ERBB4: variants seen among roughly 807,000 people sequenced by gnomAD.
ERBB4 encodes the protein receptor tyrosine-protein kinase erbB-4.
ERBB4 carries 42 observed loss-of-function variants against 158.0 expected under a neutral mutation model. The observed-to-expected ratio is 0.27, with a 90% CI of 0.21 to 0.34. ERBB4 has a LOEUF of 0.34. Ranked by LOEUF, ERBB4 falls within the 10% of genes least tolerant of loss-of-function variation. The probability of loss-of-function intolerance (pLI) is 1.00; values close to 1 mark genes in which losing one functional copy is unlikely to be tolerated. For synonymous variants in ERBB4, 583 were observed against 558.7 expected (o/e 1.04, Z -0.61); for missense variants, 1,333 against 1,624.1 (o/e 0.82, Z 3.08).
chr2:211,478,952 C>T (rs369176668), intron 20 of ERBB4, among the ~76,000 whole-genome samples: 4 of 152,136 alleles, frequency 2.6e-5, no homozygotes, highest in African/African-American at 4.8e-5. Flanking sequence ...TCCTCGGTTT[C>T]GTCTCTCTAA....
At chr2:212,511,905 G>C (rs971874128) in intron 1 of ERBB4, among the ~76,000 whole-genome samples, 5 of 152,068 alleles carry the variant, frequency 3.3e-5, no homozygotes, top group Non-Finnish European at 7.4e-5. Context: ...CCAAAGGATG[G>C]GCTGCCAGTT....
intron 3 of ERBB4, among the ~76,000 whole-genome samples, chr2:211,806,667 G>A (rs956800687): frequency 2.6e-5 from 4 of 152,100 alleles, no homozygotes; most frequent in Non-Finnish European, 4.4e-5. Flanking sequence ...AAGGGGGACT[G>A]ATATAATGCA....
chr2:211,401,161 C>A (rs1231686567), intron 25 of ERBB4, among the ~76,000 whole-genome samples: 1 of 151,810 alleles, frequency 6.6e-6, no homozygotes, highest in Admixed American at 6.6e-5. Context: ...CTCTCAGAGC[C>A]CTCACCACTT....
intron 2 of ERBB4, among the ~76,000 whole-genome samples, chr2:212,057,038 C>T (rs967976677): frequency 6.6e-6 from 1 of 152,238 alleles, no homozygotes; most frequent in African/African-American, 2.4e-5. Flanking sequence ...AGACCCATCT[C>T]ACGTGCAGAG....
chr2:211,448,219 C>T (rs147130803), intron 20 of ERBB4, among the ~76,000 whole-genome samples: 9 of 152,012 alleles, frequency 5.9e-5, no homozygotes, highest in Non-Finnish European at 1.2e-4. Flanking sequence ...GTGATCCACC[C>T]GCCTCAGCCT....
chr2:211,489,831 A>C (rs1424643410), intron 20 of ERBB4, among the ~76,000 whole-genome samples: 5 of 152,190 alleles, frequency 3.3e-5, no homozygotes, highest in African/African-American at 9.6e-5. Context: ...ACTCTCCATC[A>C]CATCAAGGAG....
intron 1 of ERBB4, among the ~76,000 whole-genome samples, chr2:212,513,017 C>T (rs1463631827): frequency 6.6e-6 from 1 of 152,178 alleles, no homozygotes; most frequent in East Asian, 1.9e-4. Context: ...CTTTTCCACT[C>T]TTCATCTAAT....
At chr2:212,085,833 T>C (rs899773823) in intron 2 of ERBB4, among the ~76,000 whole-genome samples, 29 of 116,102 alleles carry the variant, frequency 2.5e-4, no homozygotes, top group African/African-American at 7.8e-4. Flanking sequence ...TAAGATATTA[T>C]ATAATCCCCC....
rs1464832659 is a variant in ERBB4, at chr2:211,734,932, G to T, written c.623-9738C>A. Among the ~76,000 whole-genome samples, 2 of 80,188 alleles carry T rather than the reference G, an allele frequency of 2.5e-5. 1 individual carries two copies. Among genetic ancestry groups the T allele is most frequent in the East Asian group, 1.0e-3 (2 of 1,948 alleles). 52.6% of individuals were successfully genotyped at this position (80,188 alleles called of 152,430 possible). On this transcript the variant is annotated intron_variant, in intron 5 of 27. Transcript: ENST00000342788. Reference sequence around the variant, plus strand: ...GTCAAAAAAAAAAAAAAAAAAAAAAGACGGATTGTTCTCTATGTCCTGAAA... The same window carrying T: ...GTCAAAAAAAAAAAAAAAAAAAAAATACGGATTGTTCTCTATGTCCTGAAA...
intron 1 of ERBB4, among the ~76,000 whole-genome samples, chr2:212,428,779 C>T (rs2091966734): frequency 6.6e-6 from 1 of 151,964 alleles, no homozygotes; most frequent in African/African-American, 2.4e-5. Context: ...TGAGCCCATG[C>T]ATTTGTTATC....
intron 2 of ERBB4, among the ~76,000 whole-genome samples, chr2:211,956,029 AGTGTGTGTGT>A (rs3070122): frequency 1.4e-3 from 198 of 146,426 alleles, no homozygotes; most frequent in African/African-American, 4.5e-3. Context: ...TCATCTCTAA[AGTGTGTGTGT>A]GTGTGTGTGT....
intron 4 of ERBB4, among the ~76,000 whole-genome samples, chr2:211,780,217 A>T (rs2076001349): frequency 1.3e-5 from 2 of 152,042 alleles, no homozygotes; most frequent in South Asian, 4.1e-4. Context: ...AAAAACAATT[A>T]TCTGGGTGTA....
intron 25 of ERBB4, among the ~76,000 whole-genome samples, chr2:211,410,037 G>C (rs2063225949): frequency 6.6e-6 from 1 of 152,148 alleles, no homozygotes; most frequent in Non-Finnish European, 1.5e-5. Context: ...CACACTGGTT[G>C]TATTTCTATT....
intron 1 of ERBB4, among the ~76,000 whole-genome samples, chr2:212,438,492 TAGTA>T (rs1341910912): frequency 6.6e-6 from 1 of 152,108 alleles, no homozygotes; most frequent in Non-Finnish European, 1.5e-5. Context: ...CTACAACAAT[TAGTA>T]AGCACACAGT....
chr2:211,543,850 AAAAAAG>A (rs1003191754), intron 20 of ERBB4, among the ~76,000 whole-genome samples: 4 of 151,858 alleles, frequency 2.6e-5, no homozygotes, highest in Non-Finnish European at 5.9e-5. Flanking sequence ...AGTTAAAAAA[AAAAAAG>A]AAAAAGAAAA....
rs1169977608 is a variant in ERBB4 at position 211,562,085 on chromosome 2, C to T, written c.2305G>A (p.Ala769Thr). Residue 769 changes from alanine to threonine, a missense_variant, in exon 20 of 28, where the codon GCT becomes ACT. Coordinates refer to ENST00000342788, the MANE Select transcript of ERBB4 (RefSeq NM_005235.3). ...TGATCCATACTTGCCATGATCAGAG[C>T]TTCCTGTAAGAAAAAAATGCAATAC... Reference protein sequence around the residue: ...PKANVEFMDEALIMASMDHPH... With the variant: ...PKANVEFMDETLIMASMDHPH... The T allele has an allele frequency of 1.9e-6, 3 of 1,612,650 alleles. No homozygotes were observed. The highest frequency in any genetic ancestry group is 2.5e-6 in the Non-Finnish European group (3 of 1,179,998).
At position 212,253,794 on chromosome 2, in the gene ERBB4, A is replaced by G. The variant is rs2084627201; in HGVS notation, c.83-128891T>C. Among the ~76,000 whole-genome samples, 5 of 152,184 alleles carry G rather than the reference A, an allele frequency of 3.3e-5. No individual in the cohort carries two copies. The South Asian group carries it at 1.0e-3, about 31-fold the overall frequency. On this transcript the variant is annotated intron_variant, in intron 1 of 27. Transcript: ENST00000342788. ...GAAGGGGATATGTTCTGAAAAATGT[A>G]TCGTTAGGCATTTTGGTCACTGTGG...
In ERBB4 at chr2:211,383,848, T is replaced by G; in HGVS notation, c.3694A>C (p.Lys1232Gln). The change falls in exon 28 of 28, where the codon AAG (lysine) becomes CAG (glutamine). Residue 1232 changes from lysine to glutamine, a missense_variant. Lys to Gln is a moderately conservative substitution (Grantham distance 53). Around this residue, in one of 5 missense-constraint regions of ERBB4, gnomAD observed 84 missense variants for 110.8 expected, o/e 0.76. Transcript: ENST00000342788. ...LKNNILSMPE[K>Q]AKKAFDNPDY... ...GGGTTGTCAAACGCTTTCTTGGCCT[T>G]CTCTGGCATTGACAGTATGTTGTTC... The G allele has an allele frequency of 6.2e-7, 1 of 1,614,158 alleles. No homozygotes were observed. The highest frequency in any genetic ancestry group is 8.5e-7 in the Non-Finnish European group (1 of 1,180,020).
intron 1 of ERBB4, among the ~76,000 whole-genome samples, chr2:212,299,298 A>T (rs1245870824): frequency 6.6e-6 from 1 of 151,734 alleles, no homozygotes; most frequent in African/African-American, 2.4e-5. Context: ...ATTATGGTTC[A>T]TTAAATCCTA....
Sources: allele counts gnomAD v4.1 joint callset (sites outside exome capture counted in the v4.1 genomes callset), GRCh38; gene constraint gnomAD v4.1.1; regional missense constraint gnomAD v4.1.1; transcripts MANE v1.5; gene names NCBI Gene and HGNC (gene_info 2026-07-23, HGNC 2026-07-21).